The following MLIP variants were observed in gnomAD, a reference collection of about 807,000 sequenced individuals.
MLIP encodes muscular LMNA interacting protein.
A neutral mutation model predicts 84.8 loss-of-function variants in MLIP; 79 were observed. The observed-to-expected ratio is 0.93, with a 90% CI of 0.78 to 1.12. The LOEUF (loss-of-function observed/expected upper bound fraction) is 1.12, where lower values mean the gene tolerates loss of function less well. Among genes scored for constraint, MLIP ranks in the 50% most tolerant of loss-of-function variants. The pLI is 0.00. For missense variants in MLIP, 1,257 were observed against 1,160.6 expected, an observed-to-expected ratio of 1.08 and a Z score of -1.21; for synonymous variants, 504 against 463.0, an observed-to-expected ratio of 1.09 and a Z score of -1.14.
At chr6:54,115,478 C>T (rs933848473) in intron 1 of MLIP, among the ~76,000 whole-genome samples, 3 of 151,922 alleles carry the variant, frequency 2.0e-5, no homozygotes, top group African/African-American at 7.3e-5. Flanking sequence ...AAGTGATGGT[C>T]AGAGAATGAA....
chr6:54,109,555 C>T (rs1279804338), upstream of MLIP, among the ~76,000 whole-genome samples: 1 of 151,948 alleles, frequency 6.6e-6, no homozygotes, highest in African/African-American at 2.4e-5. Context: ...TTCAATCCAG[C>T]CCTCTCTCTT....
chr6:54,239,120 T>G (rs1315727446), intron 12 of MLIP, among the ~76,000 whole-genome samples: 1 of 151,928 alleles, frequency 6.6e-6, no homozygotes, highest in Non-Finnish European at 1.5e-5. Flanking sequence ...AGTAGTCTCT[T>G]AAAAAATCTC....
At chr6:54,090,154 G>A (rs111812696) in intron 1 of MLIP, among the ~76,000 whole-genome samples, 1,648 of 152,036 alleles carry the variant, frequency 0.011, 29 homozygotes, top group African/African-American at 0.039. Flanking sequence ...GCAGCAGTTC[G>A]TAAACTGCCT....
intron 1 of MLIP, among the ~76,000 whole-genome samples, chr6:54,024,456 G>T (rs1763684755): frequency 6.6e-6 from 1 of 152,182 alleles, no homozygotes; most frequent in Non-Finnish European, 1.5e-5. Context: ...TCTGGGTGTT[G>T]TTGGTGAGTG....
chr6:54,159,124 G>A (rs1438607943), intron 5 of MLIP, among the ~76,000 whole-genome samples: 2 of 151,862 alleles, frequency 1.3e-5, no homozygotes, highest in East Asian at 1.9e-4. Context: ...TGTTGTCCAG[G>A]CTGGTCTTGA....
At chr6:54,193,247 A>C (rs1278482014) in intron 10 of MLIP, among the ~76,000 whole-genome samples, 7 of 152,112 alleles carry the variant, frequency 4.6e-5, no homozygotes, top group Admixed American at 4.6e-4. Context: ...GAAATTAGAG[A>C]TGAAAATATT....
At chr6:54,218,925 CAG>C (rs1408329300) in intron 11 of MLIP, among the ~76,000 whole-genome samples, 3 of 151,872 alleles carry the variant, frequency 2.0e-5, no homozygotes, top group Middle Eastern at 3.4e-3. Flanking sequence ...AAACACAGGC[CAG>C]GTGCAGTGGC....
chr6:54,074,133 C>A lies in MLIP; in HGVS notation c.64-47314C>A, dbSNP rs144422722. On this transcript the variant is annotated intron_variant, in intron 1 of 12. Transcript: ENST00000274897. The stretch of plus-strand genomic sequence containing the variant: ...GCTAAATATCTACCACGTTCATTAT[C>A]TTTTTAGTTTGAAAATGATGTGTTT... Among the ~76,000 whole-genome samples the A allele has an allele frequency of 8.3e-3, 1,257 of 152,246 alleles. 13 individuals carry two copies. Among genetic ancestry groups the A allele is most frequent in the Middle Eastern group, 0.014 (4 of 294 alleles).
intron 12 of MLIP, among the ~76,000 whole-genome samples, chr6:54,252,443 ACTATAG>A (rs1430305503): frequency 4.5e-5 from 4 of 88,514 alleles, no homozygotes; most frequent in African/African-American, 2.2e-4. Flanking sequence ...ATATAATATA[ACTATAG>A]TATATTATAA....
intron 3 of MLIP, among the ~76,000 whole-genome samples, chr6:54,125,197 A>AAAC (rs1770816441): frequency 6.6e-6 from 1 of 152,212 alleles, no homozygotes; most frequent in Non-Finnish European, 1.5e-5. Context: ...AGTCAAGAAG[A>AAAC]GTGTGCTTGG....
In MLIP at chr6:54,217,510, A is replaced by C. The variant is rs1291099595; in HGVS notation, c.2719-13204A>C. 141 of 985,138 alleles carry C rather than the reference A, an allele frequency of 1.4e-4. 1 individual carries two copies. The highest frequency in any genetic ancestry group is 1.7e-4 in the Non-Finnish European group (140 of 829,832). The allele number at this position is 985,138 out of a possible 1,614,324, so 61.0% of individuals were successfully genotyped here. On this transcript the variant is annotated intron_variant, in intron 11 of 13. Coordinates refer to ENST00000502396, the MANE Select transcript of MLIP (RefSeq NM_001281747.2). Reference sequence around the variant, plus strand: ...TAAGCAGAGCTAAATTAATATATTCACTGCATATTTGTCTGCTAATTTTTC... The same window carrying C: ...TAAGCAGAGCTAAATTAATATATTCCCTGCATATTTGTCTGCTAATTTTTC...
intron 9 of MLIP, among the ~76,000 whole-genome samples, chr6:54,187,520 T>C (rs1777511465): frequency 1.3e-5 from 2 of 152,226 alleles, no homozygotes; most frequent in Admixed American, 6.5e-5. Flanking sequence ...GTAAAACTTC[T>C]AGAAGTGAAA....
At chr6:54,057,120 C>G (rs1363166932) in intron 1 of MLIP, among the ~76,000 whole-genome samples, 1 of 152,190 alleles carries the variant, frequency 6.6e-6, no homozygotes, top group Non-Finnish European at 1.5e-5. Flanking sequence ...CCCAGTTTTT[C>G]AGATCAAGAG....
At chr6:54,142,918 CAAA>C (rs199515086) in intron 4 of MLIP, among the ~76,000 whole-genome samples, 8 of 148,896 alleles carry the variant, frequency 5.4e-5, no homozygotes, top group Admixed American at 2.0e-4. Context: ...ACAACAACAA[CAAA>C]AAAAAAACGC....
intron 1 of MLIP, among the ~76,000 whole-genome samples, chr6:54,057,172 A>G (rs1765709681): frequency 1.3e-5 from 2 of 152,226 alleles, no homozygotes; most frequent in Admixed American, 1.3e-4. Context: ...AAAGACATGC[A>G]CAGCTAGTTG....
At chr6:54,058,229 A>G (rs1427289542) in intron 1 of MLIP, among the ~76,000 whole-genome samples, 1 of 152,220 alleles carries the variant, frequency 6.6e-6, no homozygotes, top group Non-Finnish European at 1.5e-5. Flanking sequence ...TTCCCTTTCA[A>G]GTATCAAAAT....
intron 1 of MLIP, among the ~76,000 whole-genome samples, chr6:54,029,768 A>G (rs1000094022): frequency 6.6e-6 from 1 of 152,214 alleles, no homozygotes; most frequent in Admixed American, 6.5e-5. Context: ...TTCAGCTTGT[A>G]TAACGGGTTA....
chr6:54,055,150 T>C (rs1765588751), intron 1 of MLIP, among the ~76,000 whole-genome samples: 1 of 152,188 alleles, frequency 6.6e-6, no homozygotes, highest in Non-Finnish European at 1.5e-5. Flanking sequence ...CCTCCCAAAG[T>C]GTTGGGACTA....
At chr6:54,230,683 A>G (rs1562085316) in intron 11 of MLIP, 31 bp from the exon 12 acceptor site, 1 of 1,606,410 alleles carries the variant, frequency 6.2e-7, no homozygotes, top group Non-Finnish European at 8.5e-7. Context: ...TTATGCTAAC[A>G]TCCTCTTATG....
Sources: gnomAD v4.1 joint callset for allele counts (sites outside exome capture counted in the v4.1 genomes callset) on GRCh38, gnomAD v4.1.1 for gene constraint, MANE v1.5 for transcripts, NCBI Gene and HGNC (gene_info 2026-07-23, HGNC 2026-07-21) for gene names.